The following RUNX1 variants were observed in gnomAD, a reference collection of about 807,000 sequenced individuals.
The protein encoded by RUNX1 is runt-related transcription factor 1.
A neutral mutation model predicts 42.8 loss-of-function variants in RUNX1; 19 were observed. The observed-to-expected ratio is 0.44, with a 90% CI of 0.31 to 0.65. The LOEUF is 0.65. Among genes scored for constraint, RUNX1 ranks in the 30% least tolerant of loss-of-function variants. The pLI is 0.07. For missense variants in RUNX1, 528 were observed against 672.0 expected (o/e 0.79, Z 2.37); for synonymous variants, 271 against 289.4 (o/e 0.94, Z 0.64).
rs1357327999 is a variant in RUNX1, at chr21:34,792,324, C to T, written c.1254G>A (p.Met418Ile). ...GASAGSYQFSMVGGERSPPRI... is the reference protein window; with the variant it reads ...GASAGSYQFSIVGGERSPPRI... ...GCGGCGGCGAGCGCTCGCCGCCCAC[C>T]ATGGAGAACTGGTAGGAGCCGGCCG... Residue 418 changes from methionine (M) to isoleucine (I), a missense_variant, in exon 9 of 9, where the codon ATG (methionine) becomes ATA (isoleucine). Met to Ile is a conservative substitution (Grantham distance 10). Around this residue, in one of 3 missense-constraint regions of RUNX1, gnomAD observed 331 missense variants for 382.5 expected, o/e 0.87. Transcript: ENST00000675419. This position sits in a 1 kb window ranked among gnomAD's most constrained non-coding sequence, Gnocchi z 6.9. 1.3e-6 allele frequency: 2 copies of T among 1,552,458 alleles called. No homozygotes were observed. The highest frequency in any genetic ancestry group is 8.7e-7 in the Non-Finnish European group (1 of 1,148,832).
chr21:34,906,574 C>T (rs894740272), intron 2 of RUNX1, among the ~76,000 whole-genome samples: 1 of 152,144 alleles, frequency 6.6e-6, no homozygotes, highest in African/African-American at 2.4e-5. Context: ...TTGCCCAAGG[C>T]CACATAGAGA....
chr21:34,792,584 C>A lies in RUNX1; in HGVS notation c.994G>T (p.Asp332Tyr), dbSNP rs757030094. The stretch of plus-strand genomic sequence containing the variant: ...GGCAGCGCGGGGAACTGGCGCGGGT[C>A]GCTGAACGCTGTCAGGTCGGGTGCC... The part of the protein sequence containing the change: ...STAPDLTAFS[D>Y]PRQFPALPSI... The change falls in exon 9 of 9, where the codon GAC (aspartate) becomes TAC (tyrosine). Residue 332 changes from aspartate (D) to tyrosine (Y), a missense_variant. Asp to Tyr is a radical substitution (Grantham distance 160, BLOSUM62 -3). This residue lies in a region of RUNX1 where 331 missense variants were observed against 382.5 expected (regional missense o/e 0.87). Coordinates refer to ENST00000675419, the MANE Select transcript of RUNX1 (RefSeq NM_001754.5). The surrounding 1 kb of genome is among the most constrained non-coding windows in gnomAD (Gnocchi z 6.9). The A allele has an allele frequency of 6.3e-7, 1 of 1,599,730 alleles. No homozygotes were observed. Among genetic ancestry groups the A allele is most frequent in the Non-Finnish European group, 8.5e-7 (1 of 1,173,518 alleles).
chr21:34,830,674 A>C (rs2057050960), intron 7 of RUNX1, among the ~76,000 whole-genome samples: 1 of 152,176 alleles, frequency 6.6e-6, no homozygotes. Context: ...ATCACTTACA[A>C]TCTTTGAGAT....
At chr21:35,014,355 T>C (rs1474761626) in intron 2 of RUNX1, among the ~76,000 whole-genome samples, 3 of 152,272 alleles carry the variant, frequency 2.0e-5, no homozygotes, top group South Asian at 2.1e-4. Context: ...CCTAGGTGTA[T>C]AGTTGTTCAG....
At position 34,963,986 on chromosome 21, in the gene RUNX1, G is replaced by GCATT. The variant is rs749228044; in HGVS notation, c.59-71027_59-71024dup. 1.4e-4 allele frequency among the ~76,000 whole-genome samples: 22 copies of GCATT among 152,244 alleles called. 1 individual carries two copies. The highest frequency in any genetic ancestry group is 6.2e-4 in the South Asian group (3 of 4,822). On this transcript the variant is annotated intron_variant, in intron 2 of 8. Coordinates refer to ENST00000675419, the MANE Select transcript of RUNX1 (RefSeq NM_001754.5). The stretch of plus-strand genomic sequence containing the variant: ...ATCATGTAGATGGAAGATTGGGATG[G>GCATT]CATTCATTCATTCATTCATTCATTC...
chr21:34,866,962 A>C (rs1447094367), intron 5 of RUNX1, among the ~76,000 whole-genome samples: 1 of 152,250 alleles, frequency 6.6e-6, no homozygotes, highest in Non-Finnish European at 1.5e-5. Context: ...GATTGTTTGA[A>C]AAATAGCTGT....
At chr21:34,981,523 G>A (rs894300328) in intron 2 of RUNX1, among the ~76,000 whole-genome samples, 2 of 152,160 alleles carry the variant, frequency 1.3e-5, no homozygotes, top group South Asian at 4.1e-4. Context: ...ACCCAGGAAT[G>A]GATTTAACTT....
chr21:34,997,653 G>A (rs756063086), intron 2 of RUNX1, among the ~76,000 whole-genome samples: 3 of 151,958 alleles, frequency 2.0e-5, no homozygotes, highest in African/African-American at 7.3e-5. Context: ...ACCCCAGGCA[G>A]GAACGTCTTA....
chr21:34,917,126 G>A (rs1280410681), intron 2 of RUNX1, among the ~76,000 whole-genome samples: 1 of 152,186 alleles, frequency 6.6e-6, no homozygotes, highest in Non-Finnish European at 1.5e-5. Context: ...GGGCATCACA[G>A]AAGGACTCTG....
At chr21:34,864,864 C>T (rs1330488287) in intron 5 of RUNX1, among the ~76,000 whole-genome samples, 1 of 152,098 alleles carries the variant, frequency 6.6e-6, no homozygotes, top group African/African-American at 2.4e-5. Flanking sequence ...TTGATGTAGG[C>T]TTGGAAGCAG....
intron 2 of RUNX1, among the ~76,000 whole-genome samples, chr21:34,989,900 A>G (rs2058923232): frequency 6.6e-6 from 1 of 152,106 alleles, no homozygotes; most frequent in Admixed American, 6.5e-5. Flanking sequence ...AAGGTGGATT[A>G]CCTCTTACGC....
intron 7 of RUNX1, among the ~76,000 whole-genome samples, chr21:34,823,442 T>TTTTTTTTG (rs1260668169): frequency 6.4e-5 from 1 of 15,614 alleles, no homozygotes; most frequent in African/African-American, 7.1e-5. Context: ...TTTTTTTTTT[T>TTTTTTTTG]TTTTTTTTTT....
At chr21:34,875,919 C>CA (rs1297480553) in intron 5 of RUNX1, among the ~76,000 whole-genome samples, 1 of 152,178 alleles carries the variant, frequency 6.6e-6, no homozygotes, top group Non-Finnish European at 1.5e-5. Flanking sequence ...TAACATTACA[C>CA]AAATATGCAA....
chr21:34,798,596 C>A (rs1187565167), intron 8 of RUNX1, among the ~76,000 whole-genome samples: 1 of 151,706 alleles, frequency 6.6e-6, no homozygotes, highest in East Asian at 1.9e-4. Flanking sequence ...AACTGTAGAT[C>A]AAAAATATTA....
chr21:34,959,861 G>C (rs368716550), intron 2 of RUNX1, among the ~76,000 whole-genome samples: 1 of 152,166 alleles, frequency 6.6e-6, no homozygotes, highest in Non-Finnish European at 1.5e-5. Context: ...AGGAAGAACA[G>C]TGAGGACTAG....
chr21:34,999,753 T>C (rs1326651885), intron 2 of RUNX1, among the ~76,000 whole-genome samples: 1 of 152,208 alleles, frequency 6.6e-6, no homozygotes, highest in Non-Finnish European at 1.5e-5. Context: ...CCTGGCTCCC[T>C]CTCTTCTCTC....
chr21:34,885,322 C>A (rs930764549), intron 4 of RUNX1, among the ~76,000 whole-genome samples: 4 of 152,058 alleles, frequency 2.6e-5, no homozygotes, highest in African/African-American at 9.7e-5. Context: ...AATGCGGGTG[C>A]CCTAAAGAGT....
intron 2 of RUNX1, among the ~76,000 whole-genome samples, chr21:34,910,072 T>C (rs1032585457): frequency 1.3e-5 from 2 of 152,212 alleles, no homozygotes; most frequent in African/African-American, 4.8e-5. Flanking sequence ...TTTAAACAAA[T>C]CAAGATTTGC....
At chr21:34,942,187 A>G (rs374468312) in intron 2 of RUNX1, among the ~76,000 whole-genome samples, 2 of 152,086 alleles carry the variant, frequency 1.3e-5, no homozygotes, top group East Asian at 3.8e-4. Flanking sequence ...GCTCACAGTG[A>G]TAGAATTTGG....
Sources: gnomAD v4.1 joint callset for allele counts (sites outside exome capture counted in the v4.1 genomes callset) on GRCh38, gnomAD v4.1.1 for gene constraint, gnomAD v4.1.1 regional missense constraint, Gnocchi (gnomAD v3.1) non-coding constraint, MANE v1.5 for transcripts, NCBI Gene and HGNC (gene_info 2026-07-23, HGNC 2026-07-21) for gene names.